The following RTCB variants were observed in gnomAD, a reference collection of about 807,000 sequenced individuals.
RTCB encodes the protein RNA 2',3'-cyclic phosphate and 5'-OH ligase.
RTCB carries 32 observed loss-of-function variants against 58.2 expected under a neutral mutation model. That is an observed-to-expected ratio of 0.55 (90% CI 0.41 to 0.74). The LOEUF (loss-of-function observed/expected upper bound fraction) is 0.74, where lower values mean the gene tolerates loss of function less well. RTCB is among the 30% of genes least tolerant of loss of function. The pLI is 0.00. For missense variants in RTCB, 523 were observed against 639.0 expected (o/e 0.82, Z 1.96); for synonymous variants, 247 against 218.6 (o/e 1.13, Z -1.15).
chr22:32,388,231 G>T, intron 11 of RTCB, 132 bp from the exon 12 acceptor site: 1 of 576,694 alleles, frequency 1.7e-6, no homozygotes, highest in Non-Finnish European at 3.0e-6. Flanking sequence ...TATGAAATTA[G>T]CAAAAATTTA....
intron 3 of RTCB, 178 bp downstream of exon 3, chr22:32,407,997 C>T: frequency 1.7e-6 from 1 of 602,440 alleles, no homozygotes; most frequent in South Asian, 2.2e-5. Flanking sequence ...TCATGCAATC[C>T]TTCCATCTTG....
chr22:32,401,921 G>A lies in RTCB; in HGVS notation c.341-18C>T. 1 of 1,611,424 alleles carries A rather than the reference G, an allele frequency of 6.2e-7. No individual in the cohort carries two copies. Among genetic ancestry groups the A allele is most frequent in the African/African-American group, 1.3e-5 (1 of 75,024 alleles). On this transcript the variant is annotated intron_variant, in intron 4 of 11. Transcript: ENST00000216038. ...GACACCACCTACAAAATAGAGAAAA[G>A]TTAGCAAAACCAGCTGGTAAGGCAC... is the stretch of plus-strand genomic sequence containing the variant.
intron 4 of RTCB, 44 bp downstream of exon 4, chr22:32,406,618 G>A (rs1228478274): frequency 3.5e-6 from 5 of 1,412,668 alleles, no homozygotes; most frequent in Middle Eastern, 3.5e-4. Context: ...ACCGTGCCCG[G>A]CCAATGCTAC....
chr22:32,395,314 G>T, intron 8 of RTCB, 100 bp from the exon 9 acceptor site: 1 of 985,886 alleles, frequency 1.0e-6, no homozygotes, highest in Non-Finnish European at 1.5e-6. Context: ...TGTTCTGAAG[G>T]GAGTAAAAGA....
intron 11 of RTCB, among the ~76,000 whole-genome samples, chr22:32,388,671 C>T (rs2145887327): frequency 6.6e-6 from 1 of 152,310 alleles, no homozygotes; most frequent in Middle Eastern, 3.4e-3. Context: ...CCATTCCATC[C>T]TACCCACACA....
At chr22:32,408,439 T>G (rs1933464713) in intron 2 of RTCB, among the ~76,000 whole-genome samples, 197 bp from the exon 3 acceptor site, 1 of 152,230 alleles carries the variant, frequency 6.6e-6, no homozygotes, top group Non-Finnish European at 1.5e-5. Context: ...TGAGATAATC[T>G]CTGCAAAGCA....
chr22:32,408,305 C>G lies in RTCB; in HGVS notation c.173-63G>C, dbSNP rs1933462753. 5.1e-6 allele frequency: 7 copies of G among 1,370,246 alleles called. No individual in the cohort carries two copies. The Admixed American group carries it at 1.0e-4, about 20-fold the overall frequency. The allele number at this position is 1,370,246 out of a possible 1,614,324, so 84.9% of individuals were successfully genotyped here. A position where few individuals can be genotyped will look rare whatever the true frequency, so the allele number is the denominator to read the frequency against. On this transcript the variant is annotated intron_variant, in intron 2 of 11. Transcript: ENST00000216038. ...CTTGATTTTTAGCATGAATTATATTCATGTTTTTAGACTGTATAACGTGAA... is the reference window on the plus strand; with the variant it reads ...CTTGATTTTTAGCATGAATTATATTGATGTTTTTAGACTGTATAACGTGAA...
At chr22:32,406,625 C>CGA in intron 4 of RTCB, 37 bp downstream of exon 4, 1 of 1,475,736 alleles carries the variant, frequency 6.8e-7, no homozygotes, top group Non-Finnish European at 9.5e-7. Context: ...CCGGCCAATG[C>CGA]TACACACTTA....
intron 6 of RTCB, 141 bp downstream of exon 6, chr22:32,399,462 C>T: frequency 1.2e-6 from 1 of 815,206 alleles, no homozygotes; most frequent in Non-Finnish European, 1.9e-6. Flanking sequence ...AAAAATGAAG[C>T]ATAAACAAAT....
chr22:32,401,872 G>A lies in RTCB; in HGVS notation c.372C>T (p.Val124=). The change falls in exon 5 of 12, where the codon GTC becomes GTT. Residue 124 remains valine, a synonymous_variant. Transcript: ENST00000216038. ...CATCTAAATTGGTTCTTAGCAAGCGGACACCACAGTTGATGTCAAACCCGA... is the reference window on the plus strand; with the variant it reads ...CATCTAAATTGGTTCTTAGCAAGCGAACACCACAGTTGATGTCAAACCCGA... ...GGVGFDINCG[V]RLLRTNLDES... 1 of 1,614,088 alleles carries A rather than the reference G, an allele frequency of 6.2e-7. No homozygotes were observed.
In RTCB at chr22:32,394,933, C is replaced by T. The variant is rs1933219164; in HGVS notation, c.1179+93G>A. The stretch of plus-strand genomic sequence containing the variant: ...TGAGTGACAGAGTATTTTCTTTTCA[C>T]AATTGCTGCTTTTCGTTTTAAATGT... On this transcript the variant is annotated intron_variant, in intron 9 of 11. Transcript: ENST00000216038. 1.5e-5 allele frequency: 17 copies of T among 1,118,706 alleles called. 1 individual carries two copies. In the South Asian group the frequency reaches 2.6e-4, roughly 17 times the overall value. The allele number at this position is 1,118,706 out of a possible 1,614,324, so 69.3% of individuals were successfully genotyped here. A position where few individuals can be genotyped will look rare whatever the true frequency, so the allele number is the denominator to read the frequency against.
rs1049625976 is a variant in RTCB, at chr22:32,390,605, C to T, written c.1410+1635G>A. On this transcript the variant is annotated intron_variant, in intron 11 of 11. Coordinates refer to ENST00000216038, the MANE Select transcript of RTCB (RefSeq NM_014306.5). ...CTAGAGCTACAGGCGCCCGCCACCA[C>T]GCCCGGCTAATTTTTTGTATTTTTA... 9.2e-5 allele frequency among the ~76,000 whole-genome samples: 14 copies of T among 152,230 alleles called. No individual in the cohort carries two copies. The East Asian group carries it at 1.5e-3, about 17-fold the overall frequency.
intron 7 of RTCB, among the ~76,000 whole-genome samples, chr22:32,396,467 T>A (rs1301410639): frequency 6.6e-6 from 1 of 152,222 alleles, no homozygotes; most frequent in East Asian, 1.9e-4. Context: ...GGACACAAAG[T>A]CAACATTTGC....
chr22:32,394,319 G>A (rs938093674), intron 9 of RTCB, among the ~76,000 whole-genome samples: 21 of 152,024 alleles, frequency 1.4e-4, no homozygotes, highest in African/African-American at 5.1e-4. Context: ...CACCATGTTA[G>A]CCAGGATGGT....
At chr22:32,394,716 AAC>A (rs1424148858) in intron 9 of RTCB, among the ~76,000 whole-genome samples, 1 of 152,164 alleles carries the variant, frequency 6.6e-6, no homozygotes, top group African/African-American at 2.4e-5. Context: ...GGAGGAATGA[AAC>A]AGACTGAGTT....
chr22:32,398,225 A>C (rs4603873), intron 6 of RTCB, 125 bp from the exon 7 acceptor site: 4 of 1,054,842 alleles, frequency 3.8e-6, no homozygotes, highest in Middle Eastern at 2.8e-4. Context: ...TTTCAGTAAC[A>C]AAAAAATTCC....
chr22:32,397,068 T>C (rs562795972), intron 7 of RTCB, among the ~76,000 whole-genome samples: 2 of 152,152 alleles, frequency 1.3e-5, no homozygotes, highest in African/African-American at 4.8e-5. Flanking sequence ...AATAGTTACC[T>C]CCTCCTCCCT....
intron 11 of RTCB, among the ~76,000 whole-genome samples, chr22:32,389,853 A>C (rs59895149): frequency 0.067 from 10,245 of 152,254 alleles, 794 homozygotes; most frequent in East Asian, 0.45. Context: ...TTTTAATCAG[A>C]GTAAAAGCAA....
rs776896020 is a variant in RTCB, at chr22:32,398,033, T to C, written c.722A>G (p.Tyr241Cys). 1 of 1,614,184 alleles carries C rather than the reference T, an allele frequency of 6.2e-7. No individual in the cohort carries two copies. The highest frequency in any genetic ancestry group is 2.2e-5 in the East Asian group (1 of 44,880). ...IQVVDEIFNE[Y>C]AAKKMGIDHK... is the part of the protein sequence containing the mutation. ...GTCGATGCCCATTTTTTTAGCAGCA[T>C]ACTCATTGAAAATCTCATCCACAAC... The change falls in exon 7 of 12, where the codon TAT becomes TGT. Residue 241 changes from tyrosine (Y) to cysteine (C), a missense_variant. Transcript: ENST00000216038.
Sources: gnomAD v4.1 joint callset for allele counts (sites outside exome capture counted in the v4.1 genomes callset) on GRCh38, gnomAD v4.1.1 for gene constraint, MANE v1.5 for transcripts, NCBI Gene and HGNC (gene_info 2026-07-23, HGNC 2026-07-21) for gene names.